The following BRAF variants were observed in gnomAD, a reference collection of about 807,000 sequenced individuals.
BRAF encodes the protein B-Raf proto-oncogene, serine/threonine kinase, also known as serine/threonine-protein kinase B-raf.
BRAF carries 16 observed loss-of-function variants against 104.6 expected under a neutral mutation model. The ratio of observed to expected loss-of-function variants is 0.15; its 90% confidence interval spans 0.10 to 0.23. The LOEUF (loss-of-function observed/expected upper bound fraction) is 0.23, where lower values mean the gene tolerates loss of function less well. Among genes scored for constraint, BRAF ranks in the 10% least tolerant of loss-of-function variants. The pLI is 1.00. For synonymous variants in BRAF, 310 were observed against 341.6 expected (o/e 0.91, Z 1.02); for missense variants, 541 against 937.3 (o/e 0.58, Z 5.52).
intron 14 of BRAF, among the ~76,000 whole-genome samples, chr7:140,762,565 CA>C (rs933306759): frequency 8.7e-6 from 1 of 114,490 alleles, no homozygotes; most frequent in Non-Finnish European, 1.8e-5. Flanking sequence ...GAAATAGAGA[CA>C]AAAAAACCCT....
intron 3 of BRAF, among the ~76,000 whole-genome samples, chr7:140,827,013 T>C (rs1245814446): frequency 6.6e-6 from 1 of 152,194 alleles, no homozygotes; most frequent in African/African-American, 2.4e-5. Context: ...AGGGCTATTG[T>C]CTTACAGGAA....
intron 19 of BRAF, among the ~76,000 whole-genome samples, chr7:140,730,135 CT>C (rs999860522): frequency 6.6e-6 from 1 of 151,992 alleles, no homozygotes; most frequent in Non-Finnish European, 1.5e-5. Flanking sequence ...CAAAAAGTAT[CT>C]TTTCTTAATG....
chr7:140,830,816 T>A (rs1321909694), intron 3 of BRAF, among the ~76,000 whole-genome samples: 1 of 152,220 alleles, frequency 6.6e-6, no homozygotes, highest in Admixed American at 6.5e-5. Context: ...AAGCTCTGCA[T>A]CCCTTCCCAC....
Position 140,764,141 on chromosome 7 carries a change from A to G in BRAF, c.1815-9908T>C, listed in dbSNP as rs570162444. Among the ~76,000 whole-genome samples the G allele has an allele frequency of 2.0e-5, 3 of 152,306 alleles. No homozygotes were observed. In the East Asian group the frequency reaches 5.8e-4, roughly 29 times the overall value. The stretch of plus-strand genomic sequence containing the variant: ...ATCCCTGGGATGCAAGGCTGGTTCA[A>G]CATACGCAAATCAATAAATGTAATC... On this transcript the variant is annotated intron_variant, in intron 14 of 19. Coordinates refer to ENST00000644969, the MANE Select transcript of BRAF (RefSeq NM_001374258.1).
intron 1 of BRAF, among the ~76,000 whole-genome samples, chr7:140,905,789 C>G (rs890974786): frequency 3.3e-5 from 5 of 152,110 alleles, no homozygotes; most frequent in African/African-American, 1.2e-4. Context: ...TAGAAGATAA[C>G]TTAGAAATTA....
At chr7:140,747,311 AT>A (rs1797434732) in intron 17 of BRAF, 11 of 999,550 alleles carry the variant, frequency 1.1e-5, no homozygotes, top group Non-Finnish European at 1.4e-5. Flanking sequence ...AGACTAGCAA[AT>A]TCCAGAAGGT....
intron 1 of BRAF, among the ~76,000 whole-genome samples, chr7:140,864,258 T>G (rs191282406): frequency 6.6e-6 from 1 of 152,254 alleles, no homozygotes; most frequent in East Asian, 1.9e-4. Flanking sequence ...GATGATTGCT[T>G]GGACCAAGGT....
chr7:140,787,300 C>CAAAAAAAAAAAAAAAAAAAAAAAAAAA (rs1199383417), intron 9 of BRAF, among the ~76,000 whole-genome samples: 1 of 55,058 alleles, frequency 1.8e-5, no homozygotes, highest in Non-Finnish European at 4.9e-5. Flanking sequence ...GACTCCGTCT[C>CAAAAAAAAAAAAAAAAAAAAAAAAAAA]AAAAAAAAAA....
intron 14 of BRAF, among the ~76,000 whole-genome samples, chr7:140,762,097 C>G (rs1166472033): frequency 6.6e-6 from 1 of 152,096 alleles, no homozygotes; most frequent in African/African-American, 2.4e-5. Flanking sequence ...TTTTTTTCAG[C>G]ACCACACCAC....
At chr7:140,824,759 C>T (rs1416440064) in intron 3 of BRAF, among the ~76,000 whole-genome samples, 6 of 151,982 alleles carry the variant, frequency 3.9e-5, no homozygotes, top group African/African-American at 7.3e-5. Context: ...CAGCAGTGTA[C>T]GGAAATTCTA....
rs1012319635 is a variant in BRAF at position 140,753,475 on chromosome 7, C to A, written c.1862-82G>T. 3.4e-6 allele frequency: 3 copies of A among 893,018 alleles called. No homozygotes were observed. In the Admixed American group the frequency reaches 5.2e-5, roughly 15 times the overall value. 55.3% of individuals were successfully genotyped at this position (893,018 alleles called of 1,614,324 possible). ...ATTATGAAGAGTTTAGGTAAGAGAT[C>A]TAATTTCTATAATTCTGTAATATAA... is the stretch of plus-strand genomic sequence containing the variant. On this transcript the variant is annotated intron_variant, in intron 15 of 19. Transcript: ENST00000644969.
At chr7:140,803,325 G>A (rs1803320024) in intron 5 of BRAF, among the ~76,000 whole-genome samples, 1 of 152,156 alleles carries the variant, frequency 6.6e-6, no homozygotes, top group Non-Finnish European at 1.5e-5. Flanking sequence ...GTGGAATTGG[G>A]GGTGGGAGGG....
chr7:140,861,168 T>G (rs1810376183), intron 1 of BRAF, among the ~76,000 whole-genome samples: 1 of 152,208 alleles, frequency 6.6e-6, no homozygotes, highest in Non-Finnish European at 1.5e-5. Flanking sequence ...ACCGTGGAGA[T>G]GTACCTTGGT....
the BRAF span, among the ~76,000 whole-genome samples, chr7:140,713,624 C>T: frequency 1.2e-4 from 18 of 152,318 alleles, no homozygotes; most frequent in South Asian, 4.1e-4. Context: ...AGTCATTCTC[C>T]GTCCAGCTTT....
intron 3 of BRAF, among the ~76,000 whole-genome samples, chr7:140,810,663 A>G (rs976556200): frequency 2.0e-5 from 3 of 152,142 alleles, no homozygotes; most frequent in African/African-American, 7.2e-5. Flanking sequence ...TATTAAAGAG[A>G]CTGGATGGTA....
chr7:140,877,848 T>C (rs1199467496), intron 1 of BRAF, among the ~76,000 whole-genome samples: 1 of 152,104 alleles, frequency 6.6e-6, no homozygotes, highest in Non-Finnish European at 1.5e-5. Flanking sequence ...ATAAAACAGA[T>C]AATCTGAACA....
intron 3 of BRAF, among the ~76,000 whole-genome samples, chr7:140,829,199 TG>T (rs36014891): frequency 0.37 from 54,007 of 146,030 alleles, 12,733 homozygotes; most frequent in Non-Finnish European, 0.54. Flanking sequence ...TTTTTTTTTG[TG>T]GGGGGGGGCA....
At position 140,749,131 on chromosome 7, in the gene BRAF, A is replaced by AT. The variant is rs1206168712; in HGVS notation, c.2112+155dup. 4 of 906,284 alleles carry AT rather than the reference A, an allele frequency of 4.4e-6. No individual in the cohort carries two copies. In the East Asian group the frequency reaches 8.2e-5, roughly 18 times the overall value. 56.1% of individuals were successfully genotyped at this position (906,284 alleles called of 1,614,324 possible). ...TGAGGAAAGGACTTAACGTGTTGCT[A>AT]TTACTGCCAAAAGTATACAAACGAT... On this transcript the variant is annotated intron_variant, in intron 17 of 19. Coordinates refer to ENST00000644969, the MANE Select transcript of BRAF (RefSeq NM_001374258.1).
chr7:140,766,511 T>C (rs1799340575), intron 14 of BRAF, among the ~76,000 whole-genome samples: 1 of 151,972 alleles, frequency 6.6e-6, no homozygotes, highest in Admixed American at 6.5e-5. Flanking sequence ...CCCACACACC[T>C]TCCACATAGA....
Sources: allele counts gnomAD v4.1 joint callset (sites outside exome capture counted in the v4.1 genomes callset), GRCh38; gene constraint gnomAD v4.1.1; transcripts MANE v1.5; gene names NCBI Gene and HGNC (gene_info 2026-07-23, HGNC 2026-07-21).